Variants in PIKFYVE observed in about 807,000 individuals in gnomAD.
The protein encoded by PIKFYVE is 1-phosphatidylinositol 3-phosphate 5-kinase.
PIKFYVE carries 122 observed loss-of-function variants against 257.9 expected under a neutral mutation model. The observed-to-expected ratio is 0.47, with a 90% CI of 0.41 to 0.55. The LOEUF (loss-of-function observed/expected upper bound fraction) is 0.55. PIKFYVE is among the 20% of genes least tolerant of loss of function. The pLI is 0.00. For missense variants in PIKFYVE, 2,160 were observed against 2,536.6 expected (o/e 0.85, Z 3.19); for synonymous variants, 892 against 868.9 (o/e 1.03, Z -0.47).
At chr2:208,344,423 G>A (rs6435450) in intron 32 of PIKFYVE, among the ~76,000 whole-genome samples, 141,464 of 152,172 alleles carry the variant, frequency 0.93, 66,286 homozygotes, top group Non-Finnish European at 0.98. Flanking sequence ...AACATTTTTA[G>A]CCTTTGCCTT....
At chr2:208,326,571 C>G in intron 20 of PIKFYVE, 142 bp downstream of exon 20, 1 of 898,734 alleles carries the variant, frequency 1.1e-6, no homozygotes. Flanking sequence ...TTGTTTTTGT[C>G]TTGAGTCTGC....
intron 17 of PIKFYVE, 148 bp from the exon 18 acceptor site, chr2:208,323,994 T>C: frequency 1.4e-6 from 1 of 720,442 alleles, no homozygotes. Context: ...GAGTTTTTTG[T>C]AGATTCTGGA....
chr2:208,344,368 T>G (rs962810780), intron 32 of PIKFYVE, among the ~76,000 whole-genome samples: 2 of 152,170 alleles, frequency 1.3e-5, no homozygotes, highest in African/African-American at 4.8e-5. Flanking sequence ...GAGTTTACTG[T>G]GTAGATAATG....
rs1363617264 is a variant in PIKFYVE, at chr2:208,316,876, A to G, written c.2008-991A>G. On this transcript the variant is annotated intron_variant, in intron 15 of 41. Transcript: ENST00000264380. Reference sequence around the variant, plus strand: ...TTGACAAACCTGAGAAAAACAAGCAATGGGGAAAGGATTCCCTATTTAATA... The same window carrying G: ...TTGACAAACCTGAGAAAAACAAGCAGTGGGGAAAGGATTCCCTATTTAATA... Among the ~76,000 whole-genome samples, 22 of 152,324 alleles carry G rather than the reference A, an allele frequency of 1.4e-4. No homozygotes were observed. In the South Asian group the frequency reaches 4.6e-3, roughly 32 times the overall value.
chr2:208,284,785 C>T (rs1320433202), intron 5 of PIKFYVE, among the ~76,000 whole-genome samples: 1 of 151,886 alleles, frequency 6.6e-6, no homozygotes, highest in Non-Finnish European at 1.5e-5. Flanking sequence ...AATGTTATTC[C>T]TTGAAACTCA....
intron 16 of PIKFYVE, among the ~76,000 whole-genome samples, chr2:208,318,949 T>TCAA (rs1695880138): frequency 4.1e-5 from 1 of 24,546 alleles, no homozygotes; most frequent in Non-Finnish European, 1.3e-4. Flanking sequence ...AGACTCCGTC[T>TCAA]CAAAAAAAAA....
Position 208,281,160 on chromosome 2 carries a change from G to T in PIKFYVE, c.613+3452G>T, listed in dbSNP as rs534703928. ...TTGGGTGAGTCAGCAAGTCTTACAT[G>T]GTAAAACTACTTTTAACATTTCAAT... On this transcript the variant is annotated intron_variant, in intron 5 of 41. Transcript: ENST00000264380. Among the ~76,000 whole-genome samples, 6 of 152,286 alleles carry T rather than the reference G, an allele frequency of 3.9e-5. No individual in the cohort carries two copies. The East Asian group carries it at 9.6e-4, about 24-fold the overall frequency.
intron 12 of PIKFYVE, among the ~76,000 whole-genome samples, chr2:208,306,635 T>A (rs1694346993): frequency 6.6e-6 from 1 of 152,044 alleles, no homozygotes; most frequent in Non-Finnish European, 1.5e-5. Context: ...CTTGAGAACA[T>A]TCGGAGTGGA....
intron 1 of PIKFYVE, among the ~76,000 whole-genome samples, chr2:208,267,797 G>A (rs2124922995): frequency 6.6e-6 from 1 of 151,806 alleles, no homozygotes; most frequent in African/African-American, 2.4e-5. Flanking sequence ...GTGAGCCACC[G>A]GGCGGGGGTC....
chr2:208,305,209 T>G (rs1694180314), intron 12 of PIKFYVE, 196 bp downstream of exon 12: 1 of 1,475,932 alleles, frequency 6.8e-7, no homozygotes, highest in Non-Finnish European at 9.0e-7. Flanking sequence ...TATTTCTTGT[T>G]TTCTCCCTCA....
chr2:208,303,242 C>A (rs574182366), intron 10 of PIKFYVE, among the ~76,000 whole-genome samples: 1 of 149,648 alleles, frequency 6.7e-6, no homozygotes, highest in East Asian at 2.0e-4. Context: ...TATATATACA[C>A]ACACACACAT....
At chr2:208,341,953 A>T (rs897471612) in intron 31 of PIKFYVE, among the ~76,000 whole-genome samples, 11 of 150,620 alleles carry the variant, frequency 7.3e-5, no homozygotes, top group African/African-American at 2.2e-4. Context: ...TATGGTGCCA[A>T]TTTTTTTTTT....
intron 20 of PIKFYVE, 128 bp downstream of exon 20, chr2:208,326,557 A>G (rs1456278401): frequency 3.2e-5 from 34 of 1,074,240 alleles, no homozygotes; most frequent in Non-Finnish European, 4.0e-5. Flanking sequence ...CTCCTATGCT[A>G]TTTTTGTTTT....
chr2:208,285,835 C>T lies in PIKFYVE; in HGVS notation c.723C>T (p.Cys241=), dbSNP rs745588173. ...TGAATGCTCTTTCAGATTCTGCTTG[C>T]TCTGTGTCTGTGCTTGATCCAAGTG... The part of the protein sequence containing the change: ...EDLNALSDSA[C]SVSVLDPSEP... Residue 241 remains cysteine (C), a synonymous_variant, in exon 6 of 42, where the codon TGC becomes TGT. Coordinates refer to ENST00000264380, the MANE Select transcript of PIKFYVE (RefSeq NM_015040.4). 2.0e-5 allele frequency: 33 copies of T among 1,613,914 alleles called. No homozygotes were observed. Among genetic ancestry groups the T allele is most frequent in the African/African-American group, 2.7e-5 (2 of 74,904 alleles).
intron 40 of PIKFYVE, 129 bp from the exon 41 acceptor site, chr2:208,354,442 C>T (rs765809412): frequency 2.2e-4 from 206 of 944,408 alleles, no homozygotes; most frequent in Non-Finnish European, 3.2e-4. Flanking sequence ...GAGAACAGCA[C>T]TTGGCACATT....
At chr2:208,307,310 A>G (rs1457939994) in intron 12 of PIKFYVE, among the ~76,000 whole-genome samples, 2 of 152,232 alleles carry the variant, frequency 1.3e-5, no homozygotes, top group African/African-American at 4.8e-5. Context: ...ATTGATGACT[A>G]AAAGAAGGCT....
In PIKFYVE at chr2:208,288,822, A is replaced by G. The variant is rs765524357; in HGVS notation, c.911+4A>G. On this transcript the variant is annotated splice_donor_region_variant and intron_variant, in intron 7 of 41. Transcript: ENST00000264380. ...GGAAATCTCCTGCTCGAAATAGGTA[A>G]ACTGACAAATGAAAACACTGTGCTC... 6.2e-7 allele frequency: 1 copy of G among 1,613,948 alleles called. No individual in the cohort carries two copies. Among genetic ancestry groups the G allele is most frequent in the Non-Finnish European group, 8.5e-7 (1 of 1,179,854 alleles).
At chr2:208,300,447 TACA>T (rs1376100494) in intron 8 of PIKFYVE, among the ~76,000 whole-genome samples, 1 of 152,202 alleles carries the variant, frequency 6.6e-6, no homozygotes, top group Non-Finnish European at 1.5e-5. Context: ...ATTCTGTACT[TACA>T]GGTGTAGATT....
Position 208,329,801 on chromosome 2 carries a change from A to G in PIKFYVE, c.3720-41A>G, listed in dbSNP as rs200161151. Reference sequence around the variant, plus strand: ...TGGTCTCATGAAATGTCTCTGGGGCATGGTAATTCTTATGTTTCTAAGAGG... The same window carrying G: ...TGGTCTCATGAAATGTCTCTGGGGCGTGGTAATTCTTATGTTTCTAAGAGG... On this transcript the variant is annotated intron_variant, in intron 21 of 41. Transcript: ENST00000264380. The G allele has an allele frequency of 4.1e-5, 66 of 1,605,778 alleles. No homozygotes were observed. The East Asian group carries it at 1.3e-3, about 32-fold the overall frequency.
Sources: allele counts gnomAD v4.1 joint callset (sites outside exome capture counted in the v4.1 genomes callset), GRCh38; gene constraint gnomAD v4.1.1; transcripts MANE v1.5; gene names NCBI Gene and HGNC (gene_info 2026-07-23, HGNC 2026-07-21).